The following FHIT variants were observed in gnomAD, a reference collection of about 807,000 sequenced individuals.
The protein encoded by FHIT is bis(5'-adenosyl)-triphosphatase.
In FHIT, 19 loss-of-function variants were observed where a neutral mutation model predicts 17.9. That is an observed-to-expected ratio of 1.06 (90% CI 0.74 to 1.56). The LOEUF (loss-of-function observed/expected upper bound fraction) is 1.56, where lower values mean the gene tolerates loss of function less well. Ranked by LOEUF, FHIT falls within the 40% of genes most tolerant of loss-of-function variation. The probability of loss-of-function intolerance (pLI) is 0.00; values close to 1 mark genes in which losing one functional copy is unlikely to be tolerated. For missense variants in FHIT, 248 were observed against 189.2 expected, an observed-to-expected ratio of 1.31 and a Z score of -1.82; for synonymous variants, 81 against 69.7, an observed-to-expected ratio of 1.16 and a Z score of -0.81.
chr3:59,874,927 A>C (rs1470807537), intron 8 of FHIT, among the ~76,000 whole-genome samples: 1 of 152,182 alleles, frequency 6.6e-6, no homozygotes, highest in East Asian at 1.9e-4. Flanking sequence ...CCATTTTTCA[A>C]AAGCAAAGCC....
At chr3:60,846,584 G>A (rs1553746559) in intron 3 of FHIT, among the ~76,000 whole-genome samples, 1 of 152,162 alleles carries the variant, frequency 6.6e-6, no homozygotes, top group African/African-American at 2.4e-5. Context: ...AATCAGTTGA[G>A]TTAGAATAAA....
chr3:61,171,234 T>C (rs2037994708), intron 2 of FHIT, among the ~76,000 whole-genome samples: 1 of 152,214 alleles, frequency 6.6e-6, no homozygotes, highest in African/African-American at 2.4e-5. Context: ...ACACGATTTT[T>C]GGCCGCATGT....
chr3:60,690,197 G>A (rs2040953547), intron 4 of FHIT: 1 of 484,794 alleles, frequency 2.1e-6, no homozygotes. Flanking sequence ...ATGGTCTGGT[G>A]GTTAAGATAA....
At chr3:60,628,209 T>C (rs1285870680) in intron 4 of FHIT, among the ~76,000 whole-genome samples, 1 of 152,214 alleles carries the variant, frequency 6.6e-6, no homozygotes. Context: ...AATTGACTCA[T>C]TGGATATTTA....
chr3:59,892,135 A>G (rs1703879804), intron 8 of FHIT, among the ~76,000 whole-genome samples: 1 of 152,242 alleles, frequency 6.6e-6, no homozygotes, highest in Non-Finnish European at 1.5e-5. Flanking sequence ...CCTATATCAT[A>G]CAAGTTGAAC....
intron 5 of FHIT, among the ~76,000 whole-genome samples, chr3:60,335,039 T>C (rs1710168116): frequency 6.6e-6 from 1 of 152,208 alleles, no homozygotes; most frequent in Non-Finnish European, 1.5e-5. Flanking sequence ...TATGTAATAG[T>C]GAAGTAAACT....
intron 8 of FHIT, among the ~76,000 whole-genome samples, chr3:59,761,216 G>T (rs1007683507): frequency 6.6e-6 from 1 of 152,156 alleles, no homozygotes; most frequent in Non-Finnish European, 1.5e-5. Context: ...ATTTGCACTC[G>T]CCCAGTAGTT....
chr3:60,158,814 G>A (rs1027537701), intron 5 of FHIT, among the ~76,000 whole-genome samples: 3 of 152,044 alleles, frequency 2.0e-5, no homozygotes, highest in African/African-American at 7.2e-5. Flanking sequence ...ACCCTATGCA[G>A]AATGAATCTC....
intron 5 of FHIT, among the ~76,000 whole-genome samples, chr3:60,359,980 ACTTTTTTTTTTTTTTT>A (rs1162139799): frequency 3.8e-5 from 5 of 131,038 alleles, no homozygotes; most frequent in African/African-American, 7.9e-5. Flanking sequence ...GACATTCAAG[ACTTTTTTTTTTTTTTT>A]CTTTTTTTTT....
intron 7 of FHIT, among the ~76,000 whole-genome samples, chr3:59,968,659 T>C (rs10510820): frequency 0.097 from 14,726 of 152,080 alleles, 898 homozygotes; most frequent in Admixed American, 0.14. Context: ...CTCAGCACTT[T>C]TAATCCATTA....
At chr3:60,434,306 G>A (rs1252495659) in intron 5 of FHIT, among the ~76,000 whole-genome samples, 2 of 152,032 alleles carry the variant, frequency 1.3e-5, no homozygotes, top group African/African-American at 4.8e-5. Flanking sequence ...AAATCTCAAA[G>A]TAAATCCATA....
At chr3:60,530,769 C>A (rs2035747855) in intron 5 of FHIT, among the ~76,000 whole-genome samples, 1 of 152,134 alleles carries the variant, frequency 6.6e-6, no homozygotes, top group African/African-American at 2.4e-5. Context: ...TGGGAGTTGG[C>A]AGGATTCTCT....
intron 7 of FHIT, among the ~76,000 whole-genome samples, chr3:59,950,462 G>T (rs370877515): frequency 6.6e-6 from 1 of 152,078 alleles, no homozygotes; most frequent in Non-Finnish European, 1.5e-5. Context: ...TTCCATGACC[G>T]ATCCTCCAAT....
At chr3:61,204,782 G>C (rs897639987) in intron 1 of FHIT, among the ~76,000 whole-genome samples, 2 of 152,106 alleles carry the variant, frequency 1.3e-5, no homozygotes, top group Non-Finnish European at 1.5e-5. Flanking sequence ...CATGACGAAA[G>C]TTAGCAATAA....
intron 4 of FHIT, among the ~76,000 whole-genome samples, chr3:60,601,603 T>C (rs989928652): frequency 1.3e-5 from 2 of 151,936 alleles, no homozygotes; most frequent in Non-Finnish European, 1.5e-5. Context: ...ATCTTAATAG[T>C]GAGCAGGATA....
chr3:60,602,761 A>T (rs2856027), intron 4 of FHIT, among the ~76,000 whole-genome samples: 64,414 of 151,966 alleles, frequency 0.42, 13,893 homozygotes, highest in Middle Eastern at 0.56. Context: ...CCAAGGTGAC[A>T]GTATTAGGCA....
intron 4 of FHIT, among the ~76,000 whole-genome samples, chr3:60,619,308 TAATA>T (rs1183008712): frequency 1.3e-5 from 2 of 152,128 alleles, no homozygotes; most frequent in East Asian, 3.8e-4. Flanking sequence ...TATTTTTGCC[TAATA>T]AATACAAAGA....
At chr3:60,279,426 A>T (rs1025777185) in intron 5 of FHIT, among the ~76,000 whole-genome samples, 2 of 152,282 alleles carry the variant, frequency 1.3e-5, no homozygotes, top group Admixed American at 1.3e-4. Flanking sequence ...AACTTTCTAA[A>T]AATAAATAAT....
intron 5 of FHIT, among the ~76,000 whole-genome samples, chr3:60,239,784 A>G (rs41528049): frequency 0.015 from 2,210 of 152,292 alleles, 63 homozygotes; most frequent in African/African-American, 0.051. Context: ...AGAAAATCAA[A>G]GACTACCTTA....
Sources: allele counts gnomAD v4.1 joint callset (sites outside exome capture counted in the v4.1 genomes callset), GRCh38; gene constraint gnomAD v4.1.1; transcripts MANE v1.5; gene names NCBI Gene and HGNC (gene_info 2026-07-23, HGNC 2026-07-21).